The following ATP8B1 variants were observed in gnomAD, a reference collection of about 807,000 sequenced individuals.
ATP8B1 encodes the protein phospholipid-transporting ATPase IC.
ATP8B1 carries 80 observed loss-of-function variants against 149.9 expected under a neutral mutation model. That is an observed-to-expected ratio of 0.53 (90% CI 0.45 to 0.64). The LOEUF (loss-of-function observed/expected upper bound fraction) is 0.64. Ranked by LOEUF, ATP8B1 falls within the 30% of genes least tolerant of loss-of-function variation. The pLI is 0.00. For missense variants in ATP8B1, 1,247 were observed against 1,552.6 expected (o/e 0.80, Z 3.31); for synonymous variants, 536 against 562.8 (o/e 0.95, Z 0.67).
intron 24 of ATP8B1, 78 bp from the exon 25 acceptor site, chr18:57,652,807 CA>C (rs1475163215): frequency 1.9e-6 from 3 of 1,583,202 alleles, no homozygotes; most frequent in Non-Finnish European, 2.6e-6. Flanking sequence ...TAATATCTCA[CA>C]AAAAGTTGCA....
intron 2 of ATP8B1, among the ~76,000 whole-genome samples, chr18:57,709,196 A>G (rs898941126): frequency 6.6e-6 from 1 of 152,200 alleles, no homozygotes; most frequent in Non-Finnish European, 1.5e-5. Flanking sequence ...CTATGAGTTT[A>G]GGCTAATTGC....
intron 1 of ATP8B1, among the ~76,000 whole-genome samples, chr18:57,749,215 A>T (rs2079993529): frequency 6.6e-6 from 1 of 152,244 alleles, no homozygotes; most frequent in African/African-American, 2.4e-5. Flanking sequence ...CATGGTGATG[A>T]GGGCTTGGGT....
intron 20 of ATP8B1, among the ~76,000 whole-genome samples, chr18:57,663,337 TGGGCACC>T (rs1910617254): frequency 6.6e-6 from 1 of 152,236 alleles, no homozygotes; most frequent in Admixed American, 6.5e-5. Flanking sequence ...CACTCACTGA[TGGGCACC>T]TGGGTTGCGT....
At chr18:57,769,235 G>A (rs927770165) in intron 1 of ATP8B1, among the ~76,000 whole-genome samples, 8 of 152,116 alleles carry the variant, frequency 5.3e-5, no homozygotes, top group Admixed American at 3.9e-4. Flanking sequence ...CTAGAGCCAC[G>A]CATTCTGCCT....
intron 8 of ATP8B1, among the ~76,000 whole-genome samples, chr18:57,695,921 C>T (rs550572144): frequency 8.5e-5 from 13 of 152,192 alleles, no homozygotes; most frequent in Non-Finnish European, 1.8e-4. Context: ...AATTCTGTTT[C>T]GCCTCTGTCA....
At chr18:57,769,806 G>A (rs1430798023) in intron 1 of ATP8B1, among the ~76,000 whole-genome samples, 1 of 152,220 alleles carries the variant, frequency 6.6e-6, no homozygotes, top group Non-Finnish European at 1.5e-5. Context: ...ATTTCATAAT[G>A]TATTAATGAT....
chr18:57,666,280 T>C (rs1910850210), intron 20 of ATP8B1, among the ~76,000 whole-genome samples: 1 of 152,148 alleles, frequency 6.6e-6, no homozygotes, highest in Admixed American at 6.5e-5. Context: ...GATTCAAAGC[T>C]AACAAACGTT....
chr18:57,698,314 G>T (rs1912930858), intron 6 of ATP8B1, among the ~76,000 whole-genome samples: 1 of 151,846 alleles, frequency 6.6e-6, no homozygotes, highest in African/African-American at 2.4e-5. Context: ...CCTACTCTCT[G>T]CTGTTTAAAT....
At chr18:57,666,661 G>A (rs1182065194) in intron 20 of ATP8B1, among the ~76,000 whole-genome samples, 1 of 151,680 alleles carries the variant, frequency 6.6e-6, no homozygotes, top group African/African-American at 2.4e-5. Flanking sequence ...TCAGCCTCCC[G>A]AGTAGCTGAG....
intron 1 of ATP8B1, among the ~76,000 whole-genome samples, chr18:57,773,051 A>C (rs1461630930): frequency 1.3e-5 from 2 of 151,924 alleles, no homozygotes; most frequent in Admixed American, 1.3e-4. Flanking sequence ...AAAAATACAA[A>C]AATTAGCTGG....
intron 1 of ATP8B1, among the ~76,000 whole-genome samples, chr18:57,779,254 A>G (rs958260709): frequency 2.0e-5 from 3 of 152,004 alleles, no homozygotes; most frequent in Admixed American, 6.6e-5. Flanking sequence ...GGTCGAGGCT[A>G]CAGTGAGCTG....
chr18:57,759,496 C>T (rs977219847), intron 1 of ATP8B1, among the ~76,000 whole-genome samples: 1 of 152,052 alleles, frequency 6.6e-6, no homozygotes, highest in South Asian at 2.1e-4. Context: ...TCTGGTAACT[C>T]ATGGCAAGTG....
intron 1 of ATP8B1, among the ~76,000 whole-genome samples, chr18:57,749,313 A>G (rs957816029): frequency 3.3e-5 from 5 of 151,652 alleles, no homozygotes; most frequent in African/African-American, 1.2e-4. Context: ...ATTCTGACAT[A>G]AAATAAAATG....
chr18:57,717,743 GT>G (rs1340466722), intron 2 of ATP8B1, among the ~76,000 whole-genome samples: 2 of 149,362 alleles, frequency 1.3e-5, no homozygotes, highest in African/African-American at 2.5e-5. Flanking sequence ...GTTTGGTTTG[GT>G]TTTTTTTTGG....
At chr18:57,749,191 T>C (rs2079993218) in intron 1 of ATP8B1, among the ~76,000 whole-genome samples, 1 of 152,236 alleles carries the variant, frequency 6.6e-6, no homozygotes, top group Admixed American at 6.5e-5. Flanking sequence ...TGTACTTTCA[T>C]GGGTGCAGTA....
chr18:57,662,570 G>A lies in ATP8B1; in HGVS notation c.2331C>T (p.Gly777=), dbSNP rs758028216. 11 of 1,614,048 alleles carry A rather than the reference G, an allele frequency of 6.8e-6. No homozygotes were observed. The highest frequency in any genetic ancestry group is 4.5e-5 in the East Asian group (2 of 44,884). Residue 777 remains glycine, a synonymous_variant, in exon 21 of 28, where the codon GGC becomes GGT. Transcript: ENST00000648908. ...CAGGAGGTGCAAACTTTGCGTAGACGCCACCTCTATTCCTCTGGTTTTCCA... is the reference window on the plus strand; with the variant it reads ...CAGGAGGTGCAAACTTTGCGTAGACACCACCTCTATTCCTCTGGTTTTCCA... ...ARMENQRNRG[G]VYAKFAPPVQ...
intron 20 of ATP8B1, among the ~76,000 whole-genome samples, chr18:57,664,011 C>T (rs28406444): frequency 0.19 from 27,864 of 150,460 alleles, 2,726 homozygotes; most frequent in Non-Finnish European, 0.22. Flanking sequence ...ATGATCCACC[C>T]GCCTCAGCCC....
chr18:57,648,268 G>A lies in ATP8B1; in HGVS notation c.*220C>T, dbSNP rs945468369. Reference sequence around the variant, plus strand: ...CCTAAAGTGCTGGGATTACAGACCTGAGCCACCACGCCCGGCCGAATAATA... The same window carrying A: ...CCTAAAGTGCTGGGATTACAGACCTAAGCCACCACGCCCGGCCGAATAATA... On this transcript the variant is annotated 3_prime_UTR_variant, in exon 28 of 28. Transcript: ENST00000648908. 1.5e-6 allele frequency: 1 copy of A among 646,554 alleles called. No homozygotes were observed. The highest frequency in any genetic ancestry group is 2.4e-5 in the Admixed American group (1 of 42,000). The allele number at this position is 646,554 out of a possible 1,614,324, so 40.1% of individuals were successfully genotyped here.
intron 1 of ATP8B1, among the ~76,000 whole-genome samples, chr18:57,732,307 ATG>A (rs749318385): frequency 0.051 from 1,295 of 25,504 alleles, 37 homozygotes; most frequent in South Asian, 0.1. Flanking sequence ...ATGTGTATAT[ATG>A]TGTGTATATA....
Sources: allele counts gnomAD v4.1 joint callset (sites outside exome capture counted in the v4.1 genomes callset), GRCh38; gene constraint gnomAD v4.1.1; transcripts MANE v1.5; gene names NCBI Gene and HGNC (gene_info 2026-07-23, HGNC 2026-07-21).